ABHD12: variants seen among roughly 807,000 people sequenced by gnomAD.
ABHD12 encodes the protein abhydrolase domain containing 12, lysophospholipase.
In ABHD12, 43 loss-of-function variants were observed where a neutral mutation model predicts 58.3. The observed-to-expected ratio is 0.74, with a 90% CI of 0.58 to 0.95. The LOEUF is 0.95. Ranked by LOEUF, ABHD12 falls within the 40% of genes least tolerant of loss-of-function variation. The pLI, the probability that ABHD12 is intolerant of heterozygous loss-of-function variation, is 0.00. For synonymous variants in ABHD12, 219 were observed against 211.2 expected, an observed-to-expected ratio of 1.04 and a Z score of -0.32; for missense variants, 539 against 537.2, an observed-to-expected ratio of 1.00 and a Z score of -0.03.
rs762138271 is a variant in ABHD12 at position 25,308,537 on chromosome 20, T to C, written c.750-43A>G. ...CAGCTTAGTTGAGTTATGATAAAAT[T>C]GTTTGAGATGATATGGGCCTTATGC... On this transcript the variant is annotated intron_variant, in intron 7 of 12. Transcript: ENST00000339157. 3 of 1,582,322 alleles carry C rather than the reference T, an allele frequency of 1.9e-6. No individual in the cohort carries two copies. The South Asian group carries it at 3.4e-5, about 18-fold the overall frequency.
downstream of ABHD12, chr20:25,295,671 G>T: frequency 6.2e-7 from 1 of 1,612,964 alleles, no homozygotes; most frequent in African/African-American, 1.3e-5. Context: ...GCTGTACCGG[G>T]TGAGGCTCCT....
chr20:25,346,230 T>A (rs1191715534), intron 1 of ABHD12, among the ~76,000 whole-genome samples: 1 of 152,200 alleles, frequency 6.6e-6, no homozygotes, highest in Non-Finnish European at 1.5e-5. Context: ...CTCAAAAGGC[T>A]ACATACTATA....
chr20:25,302,020 A>G (rs2088644360), intron 12 of ABHD12, among the ~76,000 whole-genome samples, 199 bp downstream of exon 12: 1 of 152,172 alleles, frequency 6.6e-6, no homozygotes, highest in Admixed American at 6.5e-5. Context: ...ACCCTGCATG[A>G]TCATGTGAAC....
intron 1 of ABHD12, among the ~76,000 whole-genome samples, chr20:25,385,688 T>A (rs1386704797): frequency 2.1e-5 from 2 of 95,636 alleles, no homozygotes; most frequent in Non-Finnish European, 4.0e-5. Context: ...TACCAAAAAA[T>A]TTAAATAAAT....
Position 25,385,284 on chromosome 20 carries a change from C to G in ABHD12, c.191+5229G>C, listed in dbSNP as rs1322207783. ...ACTGGGAGGCGGAGGTTGCAATGAG[C>G]CAAGATCATGCCATTGCACTCCAAC... On this transcript the variant is annotated intron_variant, in intron 1 of 12. Transcript: ENST00000339157. Among the ~76,000 whole-genome samples, 3 of 134,146 alleles carry G rather than the reference C, an allele frequency of 2.2e-5. No homozygotes were observed. The East Asian group carries it at 6.7e-4, about 30-fold the overall frequency. 88.0% of individuals were successfully genotyped at this position (134,146 alleles called of 152,430 possible). A position where few individuals can be genotyped will look rare whatever the true frequency, so the allele number is the denominator to read the frequency against.
intron 1 of ABHD12, among the ~76,000 whole-genome samples, chr20:25,348,524 G>T (rs988005905): frequency 6.6e-6 from 1 of 151,644 alleles, no homozygotes; most frequent in African/African-American, 2.4e-5. Flanking sequence ...GGGAGGCTGA[G>T]ATGGGAGGAT....
chr20:25,378,514 G>C lies in ABHD12; in HGVS notation c.191+11999C>G, dbSNP rs2500403. 4.6e-5 allele frequency among the ~76,000 whole-genome samples: 7 copies of C among 152,068 alleles called. No homozygotes were observed. The East Asian group carries it at 1.4e-3, about 29-fold the overall frequency. ...AGGGCATATATGATGTACACATTAT[G>C]AGGAGAAAAAAATAGTTGAAAGTTA... On this transcript the variant is annotated intron_variant, in intron 1 of 12. Transcript: ENST00000339157.
intron 1 of ABHD12, among the ~76,000 whole-genome samples, chr20:25,349,407 A>G (rs2089568719): frequency 6.6e-6 from 1 of 152,240 alleles, no homozygotes; most frequent in Admixed American, 6.5e-5. Context: ...CAAAGAACTG[A>G]TATCAAGGAC....
intron 1 of ABHD12, 117 bp downstream of exon 1, chr20:25,390,396 A>T (rs2090154780): frequency 1.9e-6 from 2 of 1,049,964 alleles, no homozygotes; most frequent in South Asian, 5.1e-5. Flanking sequence ...GCGGCCGCGG[A>T]TCGGGCGGAC....
At chr20:25,336,631 C>T (rs899698102) in intron 2 of ABHD12, among the ~76,000 whole-genome samples, 44 of 152,274 alleles carry the variant, frequency 2.9e-4, no homozygotes, top group African/African-American at 1.1e-3. Flanking sequence ...ACCTCCTCGG[C>T]GACGCAGACA....
intron 2 of ABHD12, among the ~76,000 whole-genome samples, chr20:25,338,423 G>A (rs1001330418): frequency 4.6e-5 from 7 of 152,164 alleles, no homozygotes; most frequent in Non-Finnish European, 8.8e-5. Context: ...AACACCCACC[G>A]TGTGCGAGCC....
intron 1 of ABHD12, among the ~76,000 whole-genome samples, chr20:25,367,010 A>C (rs1427748896): frequency 6.6e-6 from 1 of 151,826 alleles, no homozygotes; most frequent in Non-Finnish European, 1.5e-5. Context: ...ATATTTTTTC[A>C]TCTGAACTTC....
At chr20:25,364,211 CATG>C (rs2089790164) in intron 1 of ABHD12, among the ~76,000 whole-genome samples, 1 of 152,202 alleles carries the variant, frequency 6.6e-6, no homozygotes, top group African/African-American at 2.4e-5. Context: ...AACAAAAACT[CATG>C]ATAAGACAAT....
chr20:25,365,129 C>G (rs2089802283), intron 1 of ABHD12, among the ~76,000 whole-genome samples: 1 of 152,236 alleles, frequency 6.6e-6, no homozygotes, highest in African/African-American at 2.4e-5. Context: ...GATTAATACT[C>G]TACATGCTCA....
chr20:25,378,917 C>T (rs559607977), intron 1 of ABHD12, among the ~76,000 whole-genome samples: 3 of 152,276 alleles, frequency 2.0e-5, no homozygotes, highest in Admixed American at 6.5e-5. Context: ...TTCTTATCCG[C>T]TAAACTTATC....
chr20:25,330,111 G>A (rs1234125430), intron 2 of ABHD12, among the ~76,000 whole-genome samples: 2 of 152,256 alleles, frequency 1.3e-5, no homozygotes, highest in African/African-American at 2.4e-5. Context: ...TACGCGCACC[G>A]TGCGCAAGCC....
intron 1 of ABHD12, among the ~76,000 whole-genome samples, chr20:25,374,578 C>T (rs2089939237): frequency 6.6e-6 from 1 of 152,120 alleles, no homozygotes; most frequent in Non-Finnish European, 1.5e-5. Context: ...ACTGCAACCT[C>T]CGCCTCCCAG....
At chr20:25,358,503 T>C (rs1489996949) in intron 1 of ABHD12, among the ~76,000 whole-genome samples, 2 of 152,218 alleles carry the variant, frequency 1.3e-5, no homozygotes, top group Admixed American at 6.5e-5. Flanking sequence ...TTACTGCCTG[T>C]TTCCTCACTG....
chr20:25,371,668 T>C (rs1169278765), intron 1 of ABHD12, among the ~76,000 whole-genome samples: 1 of 152,214 alleles, frequency 6.6e-6, no homozygotes, highest in Non-Finnish European at 1.5e-5. Context: ...TCAATCATTA[T>C]ACAAAGTTAG....
Sources: gnomAD v4.1 joint callset for allele counts (sites outside exome capture counted in the v4.1 genomes callset) on GRCh38, gnomAD v4.1.1 for gene constraint, MANE v1.5 for transcripts, NCBI Gene and HGNC (gene_info 2026-07-23, HGNC 2026-07-21) for gene names.